The following PLCB4 variants were observed in gnomAD, a reference collection of about 807,000 sequenced individuals.
PLCB4 encodes the protein 1-phosphatidylinositol 4,5-bisphosphate phosphodiesterase beta-4.
A neutral mutation model predicts 178.8 loss-of-function variants in PLCB4; 77 were observed. The observed-to-expected ratio is 0.43, with a 90% CI of 0.36 to 0.52. The LOEUF is 0.52. PLCB4 is among the 20% of genes least tolerant of loss of function. The pLI, the probability that PLCB4 is intolerant of heterozygous loss-of-function variation, is 0.00. For synonymous variants in PLCB4, 496 were observed against 490.8 expected, an observed-to-expected ratio of 1.01 and a Z score of -0.14; for missense variants, 1,024 against 1,453.4, an observed-to-expected ratio of 0.70 and a Z score of 4.80.
chr20:9,476,393 A>G (rs1685409978), intron 38 of PLCB4, among the ~76,000 whole-genome samples: 1 of 152,210 alleles, frequency 6.6e-6, no homozygotes. Flanking sequence ...AGTCTCAAAA[A>G]TTGATTTTTA....
chr20:9,217,286 T>A (rs2093744324), intron 2 of PLCB4, 104 bp from the exon 3 acceptor site: 1 of 152,216 alleles, frequency 6.6e-6, no homozygotes, highest in African/African-American at 2.4e-5. Context: ...CTGACGTTTT[T>A]AAATTTACAT....
At chr20:9,441,253 T>C (rs2042084393) in intron 30 of PLCB4, among the ~76,000 whole-genome samples, 1 of 152,124 alleles carries the variant, frequency 6.6e-6, no homozygotes, top group Non-Finnish European at 1.5e-5. Flanking sequence ...TGTTCTTTTG[T>C]ATGATAGTTT....
intron 29 of PLCB4, among the ~76,000 whole-genome samples, chr20:9,436,140 A>G (rs2041753505): frequency 6.6e-6 from 1 of 152,226 alleles, no homozygotes; most frequent in Non-Finnish European, 1.5e-5. Context: ...TATATAAAAC[A>G]TAAATGAATT....
At chr20:9,194,649 C>T (rs945553038) in intron 2 of PLCB4, among the ~76,000 whole-genome samples, 5 of 144,772 alleles carry the variant, frequency 3.5e-5, no homozygotes, top group Non-Finnish European at 6.0e-5. Flanking sequence ...GTGGAGATTG[C>T]GCCACTGCAC....
chr20:9,171,192 C>A (rs2093057751), intron 2 of PLCB4, among the ~76,000 whole-genome samples: 1 of 152,096 alleles, frequency 6.6e-6, no homozygotes, highest in Non-Finnish European at 1.5e-5. Flanking sequence ...TGTAAGAAAT[C>A]CACATTGTAT....
chr20:9,363,013 T>C (rs1487439558), intron 8 of PLCB4, 38 bp downstream of exon 8: 1 of 1,426,686 alleles, frequency 7.0e-7, no homozygotes, highest in South Asian at 1.2e-5. Context: ...TCTTGGCAGT[T>C]ATCAAACAAA....
chr20:9,380,160 A>G lies in PLCB4; in HGVS notation c.851A>G (p.Lys284Arg). The G allele has an allele frequency of 6.9e-7, 1 of 1,441,356 alleles. No individual in the cohort carries two copies. The highest frequency in any genetic ancestry group is 9.5e-7 in the Non-Finnish European group (1 of 1,048,332). 89.3% of individuals were successfully genotyped at this position (1,441,356 alleles called of 1,614,324 possible). A position where few individuals can be genotyped will look rare whatever the true frequency, so the allele number is the denominator to read the frequency against. ...GAACCTGATGAAGATTTGAAGAAAA[A>G]AGGTAATAAACATGAAAAAAGGACT... ...MYEPDEDLKKKGLISSDGFCR... is the reference protein window; with the variant it reads ...MYEPDEDLKKRGLISSDGFCR... Residue 284 changes from lysine to arginine, a missense_variant and splice_region_variant, in exon 13 of 40, where the codon AAA (lysine) becomes AGA (arginine). By Grantham distance (26) the Lys-to-Arg change is conservative. This residue lies in a region of PLCB4 where 37 missense variants were observed against 28.6 expected (regional missense o/e 1.30). Transcript: ENST00000378473.
chr20:9,133,350 C>G (rs768598639), intron 2 of PLCB4, among the ~76,000 whole-genome samples: 2 of 152,084 alleles, frequency 1.3e-5, no homozygotes, highest in African/African-American at 2.4e-5. Flanking sequence ...TCACTGCAGC[C>G]CCCGCCTCCT....
At chr20:9,318,822 C>T (rs6056537) in intron 4 of PLCB4, among the ~76,000 whole-genome samples, 18,484 of 152,216 alleles carry the variant, frequency 0.12, 1,216 homozygotes, top group South Asian at 0.19. Flanking sequence ...TACTACTGTA[C>T]TATGCTAAAG....
At chr20:9,328,080 A>G (rs1044598825) in intron 4 of PLCB4, among the ~76,000 whole-genome samples, 2 of 152,326 alleles carry the variant, frequency 1.3e-5, no homozygotes, top group African/African-American at 4.8e-5. Flanking sequence ...ACCACCAGAT[A>G]AAATAACGGA....
chr20:9,195,705 CA>C (rs1287172149), intron 2 of PLCB4, among the ~76,000 whole-genome samples: 2 of 152,160 alleles, frequency 1.3e-5, no homozygotes, highest in Non-Finnish European at 2.9e-5. Context: ...TATTGAATTA[CA>C]CCACCAACTT....
At chr20:9,120,765 A>T (rs1157924880) in intron 2 of PLCB4, among the ~76,000 whole-genome samples, 1 of 151,424 alleles carries the variant, frequency 6.6e-6, no homozygotes, top group Non-Finnish European at 1.5e-5. Flanking sequence ...TAATGTCAAA[A>T]TTCCTTAACT....
intron 3 of PLCB4, among the ~76,000 whole-genome samples, chr20:9,293,547 T>G (rs1278584215): frequency 1.3e-5 from 2 of 152,150 alleles, no homozygotes; most frequent in Admixed American, 1.3e-4. Flanking sequence ...TGTGTTTGTG[T>G]AAGAGAAGAG....
At chr20:9,108,296 A>G (rs781376125) in intron 2 of PLCB4, among the ~76,000 whole-genome samples, 23 of 152,168 alleles carry the variant, frequency 1.5e-4, no homozygotes, top group Non-Finnish European at 2.8e-4. Flanking sequence ...AGCAAAGACA[A>G]GACTCAGAGG....
intron 3 of PLCB4, among the ~76,000 whole-genome samples, chr20:9,220,115 C>T (rs2093779666): frequency 6.6e-6 from 1 of 152,104 alleles, no homozygotes; most frequent in Non-Finnish European, 1.5e-5. Flanking sequence ...ATTATCCTCA[C>T]CCTTGCATTA....
chr20:9,423,258 A>G (rs1320757166), intron 27 of PLCB4, among the ~76,000 whole-genome samples: 1 of 152,244 alleles, frequency 6.6e-6, no homozygotes, highest in Non-Finnish European at 1.5e-5. Flanking sequence ...TGAAGCATTT[A>G]TTCAGAGATA....
chr20:9,078,947 T>A (rs2090012700), intron 1 of PLCB4, among the ~76,000 whole-genome samples: 1 of 152,228 alleles, frequency 6.6e-6, no homozygotes, highest in African/African-American at 2.4e-5. Flanking sequence ...TACTCATTTT[T>A]TAAGAAAAAT....
chr20:9,393,780 G>C (rs773869421), intron 18 of PLCB4, 102 bp downstream of exon 18: 2 of 751,742 alleles, frequency 2.7e-6, no homozygotes, highest in African/African-American at 3.4e-5. Context: ...ATTTTTGGGG[G>C]AAGGGTGTAG....
At chr20:9,188,393 G>C (rs1330551321) in intron 2 of PLCB4, among the ~76,000 whole-genome samples, 5 of 152,232 alleles carry the variant, frequency 3.3e-5, no homozygotes, top group Non-Finnish European at 1.5e-5. Context: ...CTTCAACTTG[G>C]AGAGGGTTGG....
Sources: allele counts gnomAD v4.1 joint callset (sites outside exome capture counted in the v4.1 genomes callset), GRCh38; gene constraint gnomAD v4.1.1; regional missense constraint gnomAD v4.1.1; transcripts MANE v1.5; gene names NCBI Gene and HGNC (gene_info 2026-07-23, HGNC 2026-07-21).